The following NCOR2 variants were observed in gnomAD, a reference collection of about 807,000 sequenced individuals.
NCOR2 encodes the protein CTG repeat protein 26.
A neutral mutation model predicts 262.9 loss-of-function variants in NCOR2; 81 were observed. The ratio of observed to expected loss-of-function variants is 0.31; its 90% CI spans 0.26 to 0.37. The LOEUF (loss-of-function observed/expected upper bound fraction) is 0.37, where lower values mean the gene tolerates loss of function less well. Among genes scored for constraint, NCOR2 ranks in the 10% least tolerant of loss-of-function variants. The pLI is 1.00. For synonymous variants in NCOR2, 1,659 were observed against 1,559.3 expected (o/e 1.06, Z -1.51); for missense variants, 3,385 against 3,621.4 (o/e 0.93, Z 1.68).
At chr12:124,415,472 G>A (rs987902329) in intron 13 of NCOR2, among the ~76,000 whole-genome samples, 1 of 152,242 alleles carries the variant, frequency 6.6e-6, no homozygotes, top group East Asian at 1.9e-4. Flanking sequence ...GTTAGCACTT[G>A]AGAACCCCTG....
intron 17 of NCOR2, 41 bp downstream of exon 19, chr12:124,385,704 C>G: frequency 6.2e-7 from 1 of 1,605,990 alleles, no homozygotes; most frequent in Non-Finnish European, 8.5e-7. Context: ...GCTCCTCTCC[C>G]AGCTTCCCAG....
intron 22 of NCOR2, among the ~76,000 whole-genome samples, chr12:124,360,003 C>T (rs575223414): frequency 6.6e-6 from 1 of 152,352 alleles, no homozygotes; most frequent in Non-Finnish European, 1.5e-5. Flanking sequence ...ACGGCACAGG[C>T]CCTGGCCACA....
At chr12:124,358,518 A>G (rs79640379) in intron 22 of NCOR2, among the ~76,000 whole-genome samples, 1,769 of 152,260 alleles carry the variant, frequency 0.012, 28 homozygotes, top group African/African-American at 0.03. Context: ...GCTGAGTGGT[A>G]CTCAGCACAG....
At position 124,483,922 on chromosome 12, in the gene NCOR2, C is replaced by T. The variant is rs538604297; in HGVS notation, c.234-149G>A. ...GGTGCTCACAGGAGCCCACCTCCCACGGTCCCACAGCAGGGCAGGACTCCA... is the reference window on the plus strand; with the variant it reads ...GGTGCTCACAGGAGCCCACCTCCCATGGTCCCACAGCAGGGCAGGACTCCA... On this transcript the variant is annotated intron_variant, in intron 2 of 46. Coordinates refer to ENST00000405201, the Ensembl canonical transcript of NCOR2. The surrounding 1 kb of genome is among the most constrained non-coding windows in gnomAD (Gnocchi z 6.3). 22 of 906,128 alleles carry T rather than the reference C, an allele frequency of 2.4e-5. No individual in the cohort carries two copies. Among genetic ancestry groups the T allele is most frequent in the African/African-American group, 8.6e-5 (5 of 57,902 alleles). The allele number at this position is 906,128 out of a possible 1,614,324, so 56.1% of individuals were successfully genotyped here.
intron 11 of NCOR2, among the ~76,000 whole-genome samples, chr12:124,425,230 C>G (rs977768109): frequency 6.6e-6 from 1 of 152,052 alleles, no homozygotes; most frequent in African/African-American, 2.4e-5. Flanking sequence ...AAAAATTAGC[C>G]AGGCATGGTG....
intron 1 of NCOR2, among the ~76,000 whole-genome samples, chr12:124,522,375 C>T (rs2050236087): frequency 6.6e-6 from 1 of 152,162 alleles, no homozygotes; most frequent in African/African-American, 2.4e-5. Context: ...GCCAGAAATC[C>T]AAGCTCAAGG....
intron 6 of NCOR2, among the ~76,000 whole-genome samples, chr12:124,456,878 G>A (rs568047167): frequency 1.5e-4 from 23 of 152,316 alleles, no homozygotes; most frequent in East Asian, 1.4e-3. Flanking sequence ...CCCCGGAGGC[G>A]CTCGCTGCCA....
chr12:124,407,277 G>A (rs965821450), intron 13 of NCOR2, among the ~76,000 whole-genome samples: 5 of 152,220 alleles, frequency 3.3e-5, no homozygotes, highest in African/African-American at 4.8e-5. Flanking sequence ...CGCCGGTGAC[G>A]AGGACACATT....
At position 124,504,675 on chromosome 12, in the gene NCOR2, T is replaced by C. The variant is rs117183152; in HGVS notation, c.-117-9307A>G. ...ACAAACAGATGAAACAAACGCAGTC[T>C]GTCCATCAATGGACTACGATTCAGC... On this transcript the variant is annotated intron_variant, in intron 1 of 46. Coordinates refer to the NCOR2 transcript ENST00000404621. The surrounding 1 kb of genome is among the most constrained non-coding windows in gnomAD (Gnocchi z 4.5). Among the ~76,000 whole-genome samples, 745 of 152,370 alleles carry C rather than the reference T, an allele frequency of 4.9e-3. No individual in the cohort carries two copies. Among genetic ancestry groups the C allele is most frequent in the Non-Finnish European group, 8.2e-3 (556 of 68,038 alleles).
chr12:124,557,084 A>C (rs1310311330), intron 1 of NCOR2, among the ~76,000 whole-genome samples: 2 of 152,098 alleles, frequency 1.3e-5, no homozygotes, highest in Non-Finnish European at 2.9e-5. Context: ...CCAGGTAGGG[A>C]ATCAGCTTTC....
At position 124,351,526 on chromosome 12, in the gene NCOR2, C is replaced by T. The variant is rs553834690; in HGVS notation, c.3694-789G>A. Among the ~76,000 whole-genome samples, 93 of 152,208 alleles carry T rather than the reference C, an allele frequency of 6.1e-4. 1 individual carries two copies. The highest frequency in any genetic ancestry group is 1.2e-3 in the Non-Finnish European group (85 of 68,008). ...CCCTAGAGAGTTGGAGGCACAATTT[C>T]CCCCAATTGAGAACCACTGCCATAT... On this transcript the variant is annotated intron_variant, in intron 27 of 46. Transcript: ENST00000405201.
In NCOR2 at chr12:124,422,574, G is replaced by C. The variant is rs2043272113; in HGVS notation, c.1329-19C>G. The C allele has an allele frequency of 7.4e-6, 12 of 1,613,612 alleles. No individual in the cohort carries two copies. Among genetic ancestry groups the C allele is most frequent in the African/African-American group, 4.0e-5 (3 of 75,060 alleles). Reference sequence around the variant, plus strand: ...CATGAACCTGCGGGACGAGAAGGGTGGGCGTGAGACCTGGCCGAGGGGGGC... The same window carrying C: ...CATGAACCTGCGGGACGAGAAGGGTCGGCGTGAGACCTGGCCGAGGGGGGC... On this transcript the variant is annotated intron_variant, in intron 11 of 46. Transcript: ENST00000405201.
intron 41 of NCOR2, 21 bp downstream of exon 43, chr12:124,334,403 G>A (rs1324845648): frequency 6.6e-7 from 1 of 1,516,734 alleles, no homozygotes; most frequent in Non-Finnish European, 8.8e-7. Flanking sequence ...CCAGCAAGAG[G>A]CACCCCCATC....
intron 38 of NCOR2, 115 bp from the exon 41 acceptor site, chr12:124,335,747 C>T: frequency 8.0e-7 from 1 of 1,243,886 alleles, no homozygotes; most frequent in Non-Finnish European, 1.1e-6. Flanking sequence ...GGAACCCAAG[C>T]TAGGGGTAGG....
chr12:124,325,518 G>A (rs1421127756), exon 47 of NCOR2: 6 of 1,359,206 alleles, frequency 4.4e-6, no homozygotes, highest in Non-Finnish European at 5.7e-6. Context: ...CCCGGTGGGG[G>A]TGGGGAAGCC....
At chr12:124,423,367 T>C (rs1452122640) in intron 11 of NCOR2, among the ~76,000 whole-genome samples, 3 of 152,152 alleles carry the variant, frequency 2.0e-5, no homozygotes, top group Non-Finnish European at 4.4e-5. Context: ...GAGGCTGGAC[T>C]GTGGGCTCCC....
intron 1 of NCOR2, among the ~76,000 whole-genome samples, chr12:124,543,406 G>A (rs78449929): frequency 6.6e-6 from 1 of 152,202 alleles, no homozygotes; most frequent in East Asian, 1.9e-4. Flanking sequence ...CATCTCCACT[G>A]TCCGGACCCT....
intron 1 of NCOR2, among the ~76,000 whole-genome samples, chr12:124,492,102 G>A (rs1035751492): frequency 5.3e-5 from 8 of 152,340 alleles, no homozygotes; most frequent in Middle Eastern, 3.4e-3. Flanking sequence ...CCAGGGCAGA[G>A]CACAGGCAGA....
rs1338356880 is a variant in NCOR2 at position 124,566,087 on chromosome 12, C to G, written c.-165+1221G>C. Among the ~76,000 whole-genome samples the G allele has an allele frequency of 6.6e-6, 1 of 152,210 alleles. No homozygotes were observed. Among genetic ancestry groups the G allele is most frequent in the Non-Finnish European group, 1.5e-5 (1 of 68,032 alleles). ...ACATCCCAACGCGCCCAGAACTCCC[C>G]CACCCCGCCCACAGGGTCCTCCCCT... On this transcript the variant is annotated intron_variant, in intron 1 of 32. Transcript: ENST00000458234. This position sits in a 1 kb window ranked among gnomAD's most constrained non-coding sequence, Gnocchi z 4.3.
Sources: allele counts gnomAD v4.1 joint callset (sites outside exome capture counted in the v4.1 genomes callset), GRCh38; gene constraint gnomAD v4.1.1; non-coding constraint Gnocchi (gnomAD v3.1); transcripts MANE v1.5; gene names NCBI Gene and HGNC (gene_info 2026-07-23, HGNC 2026-07-21).